The following KIAA0319 variants were observed in gnomAD, a reference collection of about 807,000 sequenced individuals.
KIAA0319 encodes KIAA0319, also known as dyslexia-associated protein KIAA0319.
Under a neutral mutation model 108.4 loss-of-function variants are expected in KIAA0319, and 83 were observed. The observed-to-expected ratio is 0.77, with a 90% CI of 0.64 to 0.92. The LOEUF (loss-of-function observed/expected upper bound fraction) is 0.92, where lower values mean the gene tolerates loss of function less well. Ranked by LOEUF, KIAA0319 falls within the 40% of genes least tolerant of loss-of-function variation. The pLI is 0.00. For synonymous variants in KIAA0319, 484 were observed against 510.4 expected (o/e 0.95, Z 0.70); for missense variants, 1,195 against 1,322.4 (o/e 0.90, Z 1.49).
Position 24,578,118 on chromosome 6 carries a change from A to G in KIAA0319, c.1497T>C (p.Tyr499=). The change falls in exon 9 of 21, where the codon TAT becomes TAC. Residue 499 remains tyrosine, a synonymous_variant. Coordinates refer to ENST00000378214, the MANE Select transcript of KIAA0319 (RefSeq NM_014809.4). The part of the protein sequence containing the change: ...LRLSNLDPGN[Y]SFRLTVTDSD... ...GGCAGGGACCCACTTGCCTGAAACT[A>G]TAGTTACCAGGATCAAGGTTAGACA... The G allele has an allele frequency of 3.1e-6, 5 of 1,610,280 alleles. No individual in the cohort carries two copies. The highest frequency in any genetic ancestry group is 4.2e-6 in the Non-Finnish European group (5 of 1,178,532).
chr6:24,641,607 C>A (rs1228200637), intron 1 of KIAA0319, among the ~76,000 whole-genome samples: 1 of 150,614 alleles, frequency 6.6e-6, no homozygotes, highest in East Asian at 2.0e-4. Flanking sequence ...TCCTATACTA[C>A]AATAAATTTT....
chr6:24,574,625 TAA>T (rs1010443569), intron 10 of KIAA0319, among the ~76,000 whole-genome samples: 6 of 152,190 alleles, frequency 3.9e-5, no homozygotes, highest in African/African-American at 1.2e-4. Context: ...AATGGATTTT[TAA>T]GTCTTATTAC....
rs979482751 is a variant in KIAA0319, at chr6:24,580,799, A to T, written c.1279+127T>A. ...TATAATCTTTGCGTGTTTTCTCTACAATGGAGCCTAATACAAAATAGGTTT... is the reference window on the plus strand; with the variant it reads ...TATAATCTTTGCGTGTTTTCTCTACTATGGAGCCTAATACAAAATAGGTTT... On this transcript the variant is annotated intron_variant, in intron 7 of 20. Coordinates refer to ENST00000378214, the MANE Select transcript of KIAA0319 (RefSeq NM_014809.4). 3.7e-5 allele frequency: 25 copies of T among 668,966 alleles called. No homozygotes were observed. The East Asian group carries it at 6.5e-4, about 17-fold the overall frequency. 41.4% of individuals were successfully genotyped at this position (668,966 alleles called of 1,614,324 possible).
intron 1 of KIAA0319, among the ~76,000 whole-genome samples, chr6:24,621,601 T>A (rs1773936809): frequency 6.6e-6 from 1 of 152,176 alleles, no homozygotes; most frequent in Non-Finnish European, 1.5e-5. Context: ...TCCTCTTTCC[T>A]GTGCATGGTC....
intron 3 of KIAA0319, among the ~76,000 whole-genome samples, chr6:24,593,026 C>T (rs1768762988): frequency 6.6e-6 from 1 of 152,088 alleles, no homozygotes; most frequent in Non-Finnish European, 1.5e-5. Flanking sequence ...TACTGGATAC[C>T]TCTCCAGGTT....
intron 9 of KIAA0319, 90 bp from the exon 10 acceptor site, chr6:24,576,686 G>T: frequency 3.0e-6 from 3 of 1,006,214 alleles, no homozygotes; most frequent in Non-Finnish European, 4.7e-6. Flanking sequence ...GTGGGAAGCT[G>T]AGGTGGGAGG....
At chr6:24,612,893 G>C (rs776806361) in intron 1 of KIAA0319, among the ~76,000 whole-genome samples, 1 of 152,008 alleles carries the variant, frequency 6.6e-6, no homozygotes, top group Non-Finnish European at 1.5e-5. Flanking sequence ...CCGCCTCCCC[G>C]GTTCACGCCA....
intron 11 of KIAA0319, 42 bp downstream of exon 11, chr6:24,572,533 T>C (rs1210476080): frequency 6.3e-7 from 1 of 1,595,310 alleles, no homozygotes; most frequent in Non-Finnish European, 8.5e-7. Context: ...CTATCATTTC[T>C]GCTTTAATCT....
intron 3 of KIAA0319, among the ~76,000 whole-genome samples, chr6:24,594,759 C>T (rs1235970178): frequency 2.0e-5 from 3 of 152,038 alleles, no homozygotes; most frequent in Non-Finnish European, 4.4e-5. Flanking sequence ...AACATAAGTA[C>T]TGGAATCTAA....
At position 24,602,949 on chromosome 6, in the gene KIAA0319, G is replaced by A. The variant is rs533308078; in HGVS notation, c.-105-1741C>T. Among the ~76,000 whole-genome samples the A allele has an allele frequency of 2.3e-3, 345 of 152,334 alleles. 1 individual carries two copies. Among genetic ancestry groups the A allele is most frequent in the Non-Finnish European group, 4.2e-3 (287 of 68,034 alleles). On this transcript the variant is annotated intron_variant, in intron 1 of 20. Transcript: ENST00000378214. ...GAAGAAAATTTAGGAATACCTTCAT[G>A]TGTCAGTTATATGTTCCTTTTTACA...
chr6:24,592,492 G>A (rs938587992), intron 3 of KIAA0319, among the ~76,000 whole-genome samples: 4 of 152,126 alleles, frequency 2.6e-5, no homozygotes, highest in East Asian at 1.9e-4. Flanking sequence ...TCTCTCACCC[G>A]TAGCCTCAAG....
chr6:24,553,292 T>TACACAC (rs1387377002), intron 19 of KIAA0319, among the ~76,000 whole-genome samples: 8 of 95,014 alleles, frequency 8.4e-5, no homozygotes, highest in East Asian at 2.3e-4. Context: ...TATATATATA[T>TACACAC]ATACACACAC....
intron 4 of KIAA0319, 24 bp downstream of exon 4, chr6:24,588,569 G>T: frequency 6.3e-7 from 1 of 1,590,940 alleles, no homozygotes; most frequent in South Asian, 1.1e-5. Flanking sequence ...TACATTTCTT[G>T]AAATTGTATT....
downstream of KIAA0319, among the ~76,000 whole-genome samples, chr6:24,540,329 T>C (rs1225305277): frequency 2.0e-5 from 3 of 152,328 alleles, no homozygotes; most frequent in African/African-American, 4.8e-5. Flanking sequence ...TTGGGCTGCA[T>C]TGGACTTTAT....
chr6:24,588,887 A>G (rs1562007680), intron 3 of KIAA0319, 102 bp from the exon 4 acceptor site: 1 of 947,378 alleles, frequency 1.1e-6, no homozygotes, highest in East Asian at 2.5e-5. Context: ...TAGCTTTGGT[A>G]ATGTTTGAAA....
intron 1 of KIAA0319, among the ~76,000 whole-genome samples, chr6:24,602,279 C>T (rs887911461): frequency 5.3e-5 from 8 of 152,122 alleles, no homozygotes; most frequent in African/African-American, 1.7e-4. Flanking sequence ...GGCCTCTCAA[C>T]GATTACAGGC....
chr6:24,645,929 G>GC lies in KIAA0319; in HGVS notation c.-300dup, dbSNP rs948041064. 8 of 152,990 alleles carry GC rather than the reference G, an allele frequency of 5.2e-5. No individual in the cohort carries two copies. Among genetic ancestry groups the GC allele is most frequent in the African/African-American group, 1.9e-4 (8 of 41,086 alleles). 9.5% of individuals were successfully genotyped at this position (152,990 alleles called of 1,614,324 possible). On this transcript the variant is annotated 5_prime_UTR_variant, in exon 1 of 21. Coordinates refer to ENST00000378214, the MANE Select transcript of KIAA0319 (RefSeq NM_014809.4). ...CGCGCACCTGCTGTTAAGAGGTACA[G>GC]CCCCACCCCAGCAAAATCCTCGCTT...
At chr6:24,611,628 T>C (rs187787559) in intron 1 of KIAA0319, among the ~76,000 whole-genome samples, 123 of 152,246 alleles carry the variant, frequency 8.1e-4, no homozygotes, top group African/African-American at 2.9e-3. Context: ...TATTTGCAAC[T>C]CACATTGCAG....
intron 1 of KIAA0319, among the ~76,000 whole-genome samples, chr6:24,644,261 C>G (rs1017147950): frequency 6.6e-6 from 1 of 151,984 alleles, no homozygotes; most frequent in African/African-American, 2.4e-5. Context: ...GGGGTTCCCA[C>G]TCTGAACCAG....
Sources: allele counts gnomAD v4.1 joint callset (sites outside exome capture counted in the v4.1 genomes callset), GRCh38; gene constraint gnomAD v4.1.1; transcripts MANE v1.5; gene names NCBI Gene and HGNC (gene_info 2026-07-23, HGNC 2026-07-21).